The following PDZRN3 variants were observed in gnomAD, a reference collection of about 807,000 sequenced individuals.
The protein encoded by PDZRN3 is PDZ domain containing ring finger 3, also known as E3 ubiquitin-protein ligase PDZRN3.
A neutral mutation model predicts 85.7 loss-of-function variants in PDZRN3; 38 were observed. That is an observed-to-expected ratio of 0.44 (90% CI 0.34 to 0.58). The LOEUF is 0.58. Ranked by LOEUF, PDZRN3 falls within the 20% of genes least tolerant of loss-of-function variation. PDZRN3 has a pLI of 0.01. For synonymous variants in PDZRN3, 759 were observed against 638.0 expected (o/e 1.19, Z -2.86); for missense variants, 1,629 against 1,506.4 (o/e 1.08, Z -1.35).
At chr3:73,610,001 C>T (rs1219467986) in intron 1 of PDZRN3, among the ~76,000 whole-genome samples, 3 of 152,210 alleles carry the variant, frequency 2.0e-5, no homozygotes, top group Non-Finnish European at 4.4e-5. Flanking sequence ...TGGGCTTCAC[C>T]ATGTAGAATT....
intron 3 of PDZRN3, among the ~76,000 whole-genome samples, chr3:73,463,639 G>A (rs1372408053): frequency 6.6e-6 from 1 of 152,110 alleles, no homozygotes; most frequent in African/African-American, 2.4e-5. Context: ...AATACCTAGA[G>A]ACAGAAATAC....
At position 73,407,097 on chromosome 3, in the gene PDZRN3, T is replaced by G. The variant is rs190870606; in HGVS notation, c.919-2702A>C. 4.4e-3 allele frequency among the ~76,000 whole-genome samples: 677 copies of G among 152,332 alleles called. 8 individuals carry two copies. The highest frequency in any genetic ancestry group is 0.015 in the African/African-American group (630 of 41,572). On this transcript the variant is annotated intron_variant, in intron 3 of 9. Coordinates refer to ENST00000263666, the MANE Select transcript of PDZRN3 (RefSeq NM_015009.3). ...TCATGGTGGTCTTGGTCCTTTTGCC[T>G]CGTGATGGATTTAGACATGGGTATA... is the stretch of plus-strand genomic sequence containing the variant.
intron 3 of PDZRN3, among the ~76,000 whole-genome samples, chr3:73,459,989 G>A (rs1352500865): frequency 6.6e-6 from 1 of 152,126 alleles, no homozygotes; most frequent in Non-Finnish European, 1.5e-5. Context: ...AAATGTAGAT[G>A]ACAATGTTTG....
Position 73,383,987 on chromosome 3 carries a change from A to C in PDZRN3, c.2579T>G (p.Leu860Arg). ...GTATGGGGAGTGGTGATAGGAGGGCAGGTAGGCGCTGCCCAGCTTCTGGCT... is the reference window on the plus strand; with the variant it reads ...GTATGGGGAGTGGTGATAGGAGGGCCGGTAGGCGCTGCCCAGCTTCTGGCT... ...TPSQKLGSAY[L>R]PSYHHSPYKH... The change falls in exon 10 of 10, where the codon CTG (leucine) becomes CGG (arginine). Residue 860 changes from leucine (L) to arginine (R), a missense_variant. By Grantham distance (102) the Leu-to-Arg change is moderately radical. Coordinates refer to ENST00000263666, the MANE Select transcript of PDZRN3 (RefSeq NM_015009.3). 6.3e-7 allele frequency: 1 copy of C among 1,591,142 alleles called. No homozygotes were observed. The highest frequency in any genetic ancestry group is 8.5e-7 in the Non-Finnish European group (1 of 1,170,598).
chr3:73,559,990 G>A (rs1418571493), intron 3 of PDZRN3, among the ~76,000 whole-genome samples: 1 of 152,190 alleles, frequency 6.6e-6, no homozygotes, highest in Admixed American at 6.5e-5. Context: ...GCTCTGCCAT[G>A]CCCACTGTCA....
intron 3 of PDZRN3, 57 bp downstream of exon 3, chr3:73,602,297 A>G: frequency 1.1e-6 from 1 of 933,206 alleles, no homozygotes; most frequent in East Asian, 2.4e-5. Flanking sequence ...GCTTTGAGCT[A>G]GACGAAGATG....
At chr3:73,581,608 C>A (rs780470606) in intron 3 of PDZRN3, among the ~76,000 whole-genome samples, 1 of 152,046 alleles carries the variant, frequency 6.6e-6, no homozygotes, top group Non-Finnish European at 1.5e-5. Context: ...CAAAAAAATG[C>A]AGAACTATTT....
chr3:73,568,503 C>T (rs72891763), intron 3 of PDZRN3, among the ~76,000 whole-genome samples: 1,660 of 152,330 alleles, frequency 0.011, 33 homozygotes, highest in African/African-American at 0.038. Flanking sequence ...TAAACCACAG[C>T]TGAGAGTCGC....
intron 1 of PDZRN3, 50 bp from the exon 2 acceptor site, chr3:73,608,734 T>C (rs765168318): frequency 8.0e-5 from 90 of 1,128,814 alleles, no homozygotes; most frequent in Admixed American, 4.6e-4. Flanking sequence ...AGGGAATAGA[T>C]GGTAGGAATT....
At chr3:73,415,948 T>C (rs987823269) in intron 3 of PDZRN3, among the ~76,000 whole-genome samples, 4 of 151,110 alleles carry the variant, frequency 2.6e-5, no homozygotes, top group African/African-American at 7.3e-5. Flanking sequence ...TACTGGACAT[T>C]TGCCAAGAGA....
chr3:73,384,197 C>G lies in PDZRN3; in HGVS notation c.2369G>C (p.Ser790Thr). The G allele has an allele frequency of 1.9e-6, 3 of 1,613,978 alleles. No individual in the cohort carries two copies. The highest frequency in any genetic ancestry group is 2.5e-6 in the Non-Finnish European group (3 of 1,180,036). The change falls in exon 10 of 10, where the codon AGC (serine) becomes ACC (threonine). Residue 790 changes from serine (S) to threonine (T), a missense_variant. Coordinates refer to ENST00000263666, the MANE Select transcript of PDZRN3 (RefSeq NM_015009.3). ...RRAAEGISCP[S>T]SEGAVGTTEA... is the part of the protein sequence containing the mutation. The stretch of plus-strand genomic sequence containing the variant: ...CGTGGTCCCCACAGCCCCTTCGCTG[C>G]TCGGGCAGCTGATGCCCTCCGCCGC...
Position 73,486,079 on chromosome 3 carries a change from G to C in PDZRN3, c.919-81684C>G, listed in dbSNP as rs536945250. On this transcript the variant is annotated intron_variant, in intron 3 of 9. Coordinates refer to ENST00000263666, the MANE Select transcript of PDZRN3 (RefSeq NM_015009.3). Reference sequence around the variant, plus strand: ...AAACCTTTATCTTCATCAGAGGAAGGTAAGTGGATAAAGCTGACAGGAAGC... The same window carrying C: ...AAACCTTTATCTTCATCAGAGGAAGCTAAGTGGATAAAGCTGACAGGAAGC... Among the ~76,000 whole-genome samples, 10 of 152,328 alleles carry C rather than the reference G, an allele frequency of 6.6e-5. No homozygotes were observed. In the South Asian group the frequency reaches 2.1e-3, roughly 32 times the overall value.
intron 3 of PDZRN3, among the ~76,000 whole-genome samples, chr3:73,585,909 G>T (rs554166546): frequency 2.6e-5 from 4 of 152,236 alleles, no homozygotes; most frequent in Non-Finnish European, 4.4e-5. Context: ...AAGCACAACT[G>T]CTAAAGGAAA....
At chr3:73,408,588 A>AGGG (rs60679218) in intron 3 of PDZRN3, among the ~76,000 whole-genome samples, 123 of 146,434 alleles carry the variant, frequency 8.4e-4, no homozygotes, top group African/African-American at 3.0e-3. Context: ...TTCTTGGAGG[A>AGGG]GGGGGGGGGG....
In PDZRN3 at chr3:73,483,083, G is replaced by A. The variant is rs1005977482; in HGVS notation, c.919-78688C>T. Among the ~76,000 whole-genome samples, 8 of 152,268 alleles carry A rather than the reference G, an allele frequency of 5.3e-5. No individual in the cohort carries two copies. The East Asian group carries it at 5.8e-4, about 11-fold the overall frequency. On this transcript the variant is annotated intron_variant, in intron 3 of 9. Coordinates refer to ENST00000263666, the MANE Select transcript of PDZRN3 (RefSeq NM_015009.3). ...CAGGGTAGAAGATAAAACTTTCTCC[G>A]TACTTCAGAGGAGGTCAATTAACAA...
intron 3 of PDZRN3, among the ~76,000 whole-genome samples, chr3:73,550,478 C>A (rs903221202): frequency 1.3e-5 from 2 of 152,134 alleles, no homozygotes; most frequent in Non-Finnish European, 1.5e-5. Context: ...AAGGCAGGGC[C>A]CAGGAATCAG....
intron 5 of PDZRN3, among the ~76,000 whole-genome samples, chr3:73,394,050 C>A (rs995977113): frequency 1.3e-5 from 2 of 148,760 alleles, no homozygotes; most frequent in African/African-American, 4.9e-5. Context: ...ATCTTTATGA[C>A]TTTTTTTTTT....
chr3:73,588,267 T>G (rs772358401), intron 3 of PDZRN3, among the ~76,000 whole-genome samples: 53 of 152,324 alleles, frequency 3.5e-4, no homozygotes, highest in Non-Finnish European at 6.8e-4. Context: ...ATGATCTCAT[T>G]CCTTTTTATG....
intron 3 of PDZRN3, among the ~76,000 whole-genome samples, chr3:73,493,626 CA>C (rs1466526360): frequency 2.0e-5 from 3 of 152,306 alleles, no homozygotes; most frequent in Admixed American, 2.0e-4. Context: ...GGTAATAGCT[CA>C]TTTCCACTAG....
Sources: allele counts gnomAD v4.1 joint callset (sites outside exome capture counted in the v4.1 genomes callset), GRCh38; gene constraint gnomAD v4.1.1; transcripts MANE v1.5; gene names NCBI Gene and HGNC (gene_info 2026-07-23, HGNC 2026-07-21).